Variants in REV1 observed in about 807,000 individuals in gnomAD.
REV1 encodes the protein translesion synthesis protein REV1.
REV1 carries 42 observed loss-of-function variants against 137.4 expected under a neutral mutation model. The observed-to-expected ratio is 0.31, with a 90% CI of 0.24 to 0.40. The LOEUF (loss-of-function observed/expected upper bound fraction) is 0.40. REV1 is among the 10% of genes least tolerant of loss of function. The pLI is 1.00. For missense variants in REV1, 1,282 were observed against 1,490.1 expected, an observed-to-expected ratio of 0.86 and a Z score of 2.30; for synonymous variants, 524 against 519.2, an observed-to-expected ratio of 1.01 and a Z score of -0.12.
chr2:99,442,274 A>AAAAAAAAAAAAAAAAC (rs1681609026), intron 5 of REV1, 43 bp downstream of exon 5: 1 of 1,498,044 alleles, frequency 6.7e-7, no homozygotes, highest in African/African-American at 1.4e-5. Flanking sequence ...AAAAAAAAAA[A>AAAAAAAAAAAAAAAAC]AACCAACCAG....
At position 99,410,786 on chromosome 2, in the gene REV1, G is replaced by A. The variant is rs527872723; in HGVS notation, c.2254C>T (p.Arg752Cys). 5.6e-6 allele frequency: 9 copies of A among 1,612,492 alleles called. No individual in the cohort carries two copies. Among genetic ancestry groups the A allele is most frequent in the East Asian group, 2.2e-5 (1 of 44,814 alleles). The change falls in exon 14 of 23, where the codon CGT becomes TGT. Residue 752 changes from arginine to cysteine, a missense_variant. Around this residue, in one of 7 missense-constraint regions of REV1, gnomAD observed 372 missense variants for 482.3 expected, o/e 0.77. Coordinates refer to ENST00000258428, the MANE Select transcript of REV1 (RefSeq NM_016316.4). The stretch of plus-strand genomic sequence containing the variant: ...CGTACCATGATTTTGAGAGTTAGAC[G>A]TTTACCCTTCATGCCAGTGGCTTCT... The part of the protein sequence containing the change: ...RLEATGMKGK[R>C]LTLKIMVRKP...
At position 99,449,333 on chromosome 2, in the gene REV1, T is replaced by C. The variant is rs775716348; in HGVS notation, c.350+3A>G. 3 of 1,475,520 alleles carry C rather than the reference T, an allele frequency of 2.0e-6. No homozygotes were observed. Among genetic ancestry groups the C allele is most frequent in the African/African-American group, 1.5e-5 (1 of 68,656 alleles). The allele number at this position is 1,475,520 out of a possible 1,614,324, so 91.4% of individuals were successfully genotyped here. On this transcript the variant is annotated splice_donor_region_variant and intron_variant, in intron 4 of 22. Coordinates refer to ENST00000258428, the MANE Select transcript of REV1 (RefSeq NM_016316.4). ...TTAATTAAATTTAATAAATTAAACTTACCTTTCCACAATCCATTCTGGTCG... is the reference window on the plus strand; with the variant it reads ...TTAATTAAATTTAATAAATTAAACTCACCTTTCCACAATCCATTCTGGTCG...
intron 14 of REV1, among the ~76,000 whole-genome samples, chr2:99,410,489 C>G (rs979059432): frequency 2.6e-5 from 4 of 152,302 alleles, no homozygotes; most frequent in Admixed American, 2.6e-4. Flanking sequence ...TGCCGTCAAA[C>G]CAACCTCCTG....
chr2:99,476,683 A>G lies in REV1; in HGVS notation c.-10-11698T>C, dbSNP rs561189896. ...AAGGGCTTTGAGCCATGTATTATCA[A>G]CCTCCTGAAGGGCTGAAAACTAAAG... On this transcript the variant is annotated intron_variant, in intron 1 of 22. Coordinates refer to ENST00000258428, the MANE Select transcript of REV1 (RefSeq NM_016316.4). Among the ~76,000 whole-genome samples the G allele has an allele frequency of 8.5e-5, 13 of 152,260 alleles. No homozygotes were observed. The East Asian group carries it at 2.5e-3, about 29-fold the overall frequency.
At chr2:99,432,425 CAGAG>C (rs1464878586) in intron 8 of REV1, among the ~76,000 whole-genome samples, 1 of 151,586 alleles carries the variant, frequency 6.6e-6, no homozygotes, top group Non-Finnish European at 1.5e-5. Flanking sequence ...GATAATGACC[CAGAG>C]AAAGAAAGAT....
rs562374580 is a variant in REV1 at position 99,470,332 on chromosome 2, T to C, written c.-10-5347A>G. On this transcript the variant is annotated intron_variant, in intron 1 of 22. Coordinates refer to ENST00000258428, the MANE Select transcript of REV1 (RefSeq NM_016316.4). ...TTGAGTGGCTTTTAATCAGTCTTTATTAATACAGTCATATATAAATGTATA... is the reference window on the plus strand; with the variant it reads ...TTGAGTGGCTTTTAATCAGTCTTTACTAATACAGTCATATATAAATGTATA... Among the ~76,000 whole-genome samples, 3 of 152,320 alleles carry C rather than the reference T, an allele frequency of 2.0e-5. No individual in the cohort carries two copies. In the South Asian group the frequency reaches 6.2e-4, roughly 32 times the overall value.
At chr2:99,468,994 T>C (rs1685115954) in intron 1 of REV1, among the ~76,000 whole-genome samples, 1 of 152,174 alleles carries the variant, frequency 6.6e-6, no homozygotes, top group Admixed American at 6.5e-5. Flanking sequence ...CAAATCCCAA[T>C]TCTACGACTG....
In REV1 at chr2:99,404,487, C is replaced by T. The variant is rs563532749; in HGVS notation, c.3002G>A (p.Ser1001Asn). The T allele has an allele frequency of 6.8e-6, 11 of 1,614,046 alleles. No individual in the cohort carries two copies. In the Admixed American group the frequency reaches 1.3e-4, roughly 20 times the overall value. ...GGCTATTAAATTTATTCCTGCGTCACTGTTCGATTCTTGAGGTTCTGGTAT... is the reference window on the plus strand; with the variant it reads ...GGCTATTAAATTTATTCCTGCGTCATTGTTCGATTCTTGAGGTTCTGGTAT... ...LQIPEPQESN[S>N]DAGINLIALP... The change falls in exon 18 of 23, where the codon AGT (serine) becomes AAT (asparagine). Residue 1001 changes from serine to asparagine, a missense_variant. Physicochemically the swap from Ser to Asn is conservative, Grantham distance 46. This residue lies in a region of REV1 where 135 missense variants were observed against 123.3 expected (regional missense o/e 1.10). Coordinates refer to ENST00000258428, the MANE Select transcript of REV1 (RefSeq NM_016316.4).
At chr2:99,427,050 G>A (rs1679478298) in intron 9 of REV1, among the ~76,000 whole-genome samples, 1 of 151,996 alleles carries the variant, frequency 6.6e-6, no homozygotes, top group Non-Finnish European at 1.5e-5. Context: ...AGGCGTGGTG[G>A]CGGGAGCAGT....
chr2:99,482,778 G>T (rs548946220), intron 1 of REV1, among the ~76,000 whole-genome samples: 1 of 152,240 alleles, frequency 6.6e-6, no homozygotes, highest in African/African-American at 2.4e-5. Flanking sequence ...CACTTTGGGA[G>T]GCCGAGGCAG....
rs116190942 is a variant in REV1, at chr2:99,465,829, C to T, written c.-10-844G>A. 3.7e-3 allele frequency among the ~76,000 whole-genome samples: 568 copies of T among 152,294 alleles called. 3 individuals carry two copies. Among genetic ancestry groups the T allele is most frequent in the Middle Eastern group, 0.027 (8 of 294 alleles). Reference sequence around the variant, plus strand: ...TACCATATGAAGCCTTATATATTATCCACGTCAAATCAGCTCTGATATGAT... The same window carrying T: ...TACCATATGAAGCCTTATATATTATTCACGTCAAATCAGCTCTGATATGAT... On this transcript the variant is annotated intron_variant, in intron 1 of 22. Coordinates refer to ENST00000258428, the MANE Select transcript of REV1 (RefSeq NM_016316.4).
At chr2:99,449,289 T>C in intron 4 of REV1, 47 bp downstream of exon 4, 1 of 1,165,192 alleles carries the variant, frequency 8.6e-7, no homozygotes, top group Non-Finnish European at 1.1e-6. Flanking sequence ...ATAAAAAGTA[T>C]TCTAACTTTA....
In REV1 at chr2:99,489,917, G is replaced by A. The variant is rs1387698339; in HGVS notation, c.-111C>T. The A allele has an allele frequency of 6.7e-6, 1 of 149,466 alleles. No individual in the cohort carries two copies. The highest frequency in any genetic ancestry group is 2.0e-4 in the East Asian group (1 of 5,062). The allele number at this position is 149,466 out of a possible 1,614,324, so 9.3% of individuals were successfully genotyped here. A position where few individuals can be genotyped will look rare whatever the true frequency, so the allele number is the denominator to read the frequency against. On this transcript the variant is annotated 5_prime_UTR_variant, in exon 1 of 23. Coordinates refer to ENST00000258428, the MANE Select transcript of REV1 (RefSeq NM_016316.4). ...GCCAGTGCCCTCGCCAGGGACCAGG[G>A]AGGAGGGCCGGGGGAAGGCAGCCCC...
chr2:99,436,361 A>G (rs1438569018), intron 6 of REV1, among the ~76,000 whole-genome samples: 1 of 152,134 alleles, frequency 6.6e-6, no homozygotes, highest in African/African-American at 2.4e-5. Flanking sequence ...ATGTGTATGT[A>G]TTTATTTAAA....
At chr2:99,457,553 C>T (rs1683664510) in intron 3 of REV1, among the ~76,000 whole-genome samples, 1 of 152,090 alleles carries the variant, frequency 6.6e-6, no homozygotes, top group South Asian at 2.1e-4. Flanking sequence ...GGCATCATGG[C>T]ATGTGCCTGT....
At chr2:99,405,822 A>G in intron 17 of REV1, 88 bp downstream of exon 17, 1 of 957,902 alleles carries the variant, frequency 1.0e-6, no homozygotes, top group Non-Finnish European at 1.4e-6. Context: ...GAAGAAATAA[A>G]AATGCCATTT....
chr2:99,439,824 A>G (rs1465917500), intron 5 of REV1, among the ~76,000 whole-genome samples: 1 of 152,214 alleles, frequency 6.6e-6, no homozygotes, highest in Non-Finnish European at 1.5e-5. Context: ...TAAAAACCTT[A>G]CTTGAATTCT....
rs149954586 is a variant in REV1 at position 99,489,212 on chromosome 2, A to G, written c.-11+605T>C. Among the ~76,000 whole-genome samples the G allele has an allele frequency of 3.1e-3, 473 of 152,260 alleles. 2 individuals carry two copies. Among genetic ancestry groups the G allele is most frequent in the African/African-American group, 0.011 (456 of 41,562 alleles). On this transcript the variant is annotated intron_variant, in intron 1 of 22. Coordinates refer to ENST00000258428, the MANE Select transcript of REV1 (RefSeq NM_016316.4). The stretch of plus-strand genomic sequence containing the variant: ...TTAGCGAACGGACAAGCAGCAAGGA[A>G]AAACAAGGGAGCAACAACCGCCTTC...
chr2:99,425,165 G>C (rs759915775), intron 9 of REV1, among the ~76,000 whole-genome samples: 2 of 152,006 alleles, frequency 1.3e-5, no homozygotes, highest in African/African-American at 4.8e-5. Flanking sequence ...ACACAGCATG[G>C]AGACGTGCCT....
Sources: gnomAD v4.1 joint callset for allele counts (sites outside exome capture counted in the v4.1 genomes callset) on GRCh38, gnomAD v4.1.1 for gene constraint, gnomAD v4.1.1 regional missense constraint, MANE v1.5 for transcripts, NCBI Gene and HGNC (gene_info 2026-07-23, HGNC 2026-07-21) for gene names.